SLC34A2: variants seen among roughly 807,000 people sequenced by gnomAD.
SLC34A2 encodes solute carrier family 34 member 2.
Under a neutral mutation model 50.8 loss-of-function variants are expected in SLC34A2, and 41 were observed. The ratio of observed to expected loss-of-function variants is 0.81; its 90% CI spans 0.63 to 1.05. The LOEUF (loss-of-function observed/expected upper bound fraction) is 1.05, where lower values mean the gene tolerates loss of function less well. SLC34A2 is among the 50% of genes least tolerant of loss of function. The pLI, the probability that SLC34A2 is intolerant of heterozygous loss-of-function variation, is 0.00. For synonymous variants in SLC34A2, 401 were observed against 364.2 expected, an observed-to-expected ratio of 1.10 and a Z score of -1.15; for missense variants, 879 against 876.7, an observed-to-expected ratio of 1.00 and a Z score of -0.03.
intron 9 of SLC34A2, among the ~76,000 whole-genome samples, chr4:25,672,080 T>A (rs1203795882): frequency 6.6e-6 from 1 of 152,138 alleles, no homozygotes; most frequent in Non-Finnish European, 1.5e-5. Flanking sequence ...AAGGCTATAA[T>A]CCCAGCACTT....
rs148080437 is a variant in SLC34A2 at position 25,673,096 on chromosome 4, T to C, written c.1058T>C (p.Ile353Thr). ...CTTTGTGGTCTTTCAGGCCAGCATA[T>C]CTTTGTGAATTTCCACCTCCCGGAT... ...YKENIAKCQH[I>T]FVNFHLPDLA... is the part of the protein sequence containing the mutation. Residue 353 changes from isoleucine (I) to threonine (T), a missense_variant, in exon 10 of 13, where the codon ATC (isoleucine) becomes ACC (threonine). By Grantham distance (89) the Ile-to-Thr change is moderately conservative. Coordinates refer to ENST00000382051, the MANE Select transcript of SLC34A2 (RefSeq NM_006424.3). 9 of 1,614,038 alleles carry C rather than the reference T, an allele frequency of 5.6e-6. No individual in the cohort carries two copies. The highest frequency in any genetic ancestry group is 2.2e-5 in the East Asian group (1 of 44,894).
At chr4:25,656,299 CG>C (rs1276896661) in intron 1 of SLC34A2, among the ~76,000 whole-genome samples, 1 of 152,142 alleles carries the variant, frequency 6.6e-6, no homozygotes, top group Non-Finnish European at 1.5e-5. Context: ...CCTGGGCTGC[CG>C]TCTTCCATTC....
rs34344054 is a variant in SLC34A2 at position 25,675,018 on chromosome 4, A to AATTT, written c.1458+402_1458+405dup. Among the ~76,000 whole-genome samples the AATTT allele has an allele frequency of 2.0e-3, 304 of 152,148 alleles. 2 individuals are homozygous for AATTT. Among genetic ancestry groups the AATTT allele is most frequent in the African/African-American group, 6.0e-3 (251 of 41,520 alleles). Reference sequence around the variant, plus strand: ...CTTTGTGCAAGACCTTTGGGATTTGAATTTATTTATTTATTTTTATTTTAT... The same window carrying AATTT: ...CTTTGTGCAAGACCTTTGGGATTTGAATTTATTTATTTATTTATTTTTATTTTAT... On this transcript the variant is annotated intron_variant, in intron 12 of 12. Coordinates refer to ENST00000382051, the MANE Select transcript of SLC34A2 (RefSeq NM_006424.3).
Position 25,676,557 on chromosome 4 carries a change from C to T in SLC34A2, c.1881C>T (p.Arg627=), listed in dbSNP as rs74970270. The T allele has an allele frequency of 9.5e-5, 154 of 1,612,894 alleles. No individual in the cohort carries two copies. The highest frequency in any genetic ancestry group is 1.3e-4 in the Non-Finnish European group (149 of 1,179,138). Residue 627 remains arginine, a synonymous_variant, in exon 13 of 13, where the codon CGC becomes CGT. Coordinates refer to ENST00000382051, the MANE Select transcript of SLC34A2 (RefSeq NM_006424.3). ...RCCCCCRVCC[R]ACCLLCDCPK... ...GCTGCTGCTGCCGCGTGTGCTGCCG[C>T]GCGTGCTGCTTGCTGTGTGACTGCC...
In SLC34A2 at chr4:25,666,161, CTA is replaced by C. The variant is rs1339097805; in HGVS notation, c.415_416del (p.Ile139TyrfsTer70). 6.2e-7 allele frequency: 1 copy of C among 1,613,956 alleles called. No individual in the cohort carries two copies. Among genetic ancestry groups the C allele is most frequent in the Admixed American group, 1.7e-5 (1 of 60,024 alleles). ...GCAGGACAGTTCTTCAGCAACAGCT[CTA>C]TTATGTCCAACCCTTTGTTGGGGCT... On this transcript the variant is annotated frameshift_variant, in exon 5 of 13. Transcript: ENST00000382051. LOFTEE classifies it high-confidence loss of function.
intron 4 of SLC34A2, among the ~76,000 whole-genome samples, chr4:25,664,683 A>G (rs1714395436): frequency 6.6e-6 from 1 of 152,242 alleles, no homozygotes; most frequent in African/African-American, 2.4e-5. Flanking sequence ...TTCTGGAATG[A>G]GAAAGAGTGC....
Position 25,662,624 on chromosome 4 carries a change from T to C in SLC34A2, c.112+12T>C, listed in dbSNP as rs757733078. ...AGAGACCAACAAAAGTAAGTGTCGC[T>C]CGTTTGTCTGCAGATCGGCCTTTGT... On this transcript the variant is annotated intron_variant, in intron 2 of 12. Transcript: ENST00000382051. The C allele has an allele frequency of 1.2e-6, 2 of 1,614,066 alleles. No homozygotes were observed. The highest frequency in any genetic ancestry group is 1.3e-5 in the African/African-American group (1 of 75,034).
At chr4:25,663,249 C>T (rs1005539241) in intron 3 of SLC34A2, among the ~76,000 whole-genome samples, 28 of 152,140 alleles carry the variant, frequency 1.8e-4, no homozygotes, top group African/African-American at 5.8e-4. Flanking sequence ...CCACAGCACC[C>T]GGCCACCCTC....
At chr4:25,667,530 G>T (rs1474744609) in intron 5 of SLC34A2, among the ~76,000 whole-genome samples, 1 of 152,006 alleles carries the variant, frequency 6.6e-6, no homozygotes, top group Non-Finnish European at 1.5e-5. Flanking sequence ...AAATAAAAAA[G>T]AAAAGAAAAA....
intron 9 of SLC34A2, 62 bp downstream of exon 9, chr4:25,671,783 C>T (rs1399897838): frequency 4.3e-6 from 7 of 1,611,364 alleles, no homozygotes; most frequent in Non-Finnish European, 5.9e-6. Context: ...ACCTATTTAT[C>T]CGTGTGAAGT....
rs960372872 is a variant in SLC34A2 at position 25,676,216 on chromosome 4, A to G, written c.1540A>G (p.Met514Val). 6.2e-7 allele frequency: 1 copy of G among 1,614,144 alleles called. No homozygotes were observed. Among genetic ancestry groups the G allele is most frequent in the Middle Eastern group, 1.6e-4 (1 of 6,062 alleles). The change falls in exon 13 of 13, where the codon ATG becomes GTG. Residue 514 changes from methionine (M) to valine (V), a missense_variant. By Grantham distance (21) the Met-to-Val change is conservative (BLOSUM62 1). Transcript: ENST00000382051. Reference protein sequence around the residue: ...PIPFTRLPIRMAKGLGNISAK... With the variant: ...PIPFTRLPIRVAKGLGNISAK... ...CCCGTTCACTCGCCTGCCCATCCGC[A>G]TGGCCAAGGGGCTGGGCAACATCTC...
chr4:25,668,174 C>T (rs1027654723), intron 6 of SLC34A2, among the ~76,000 whole-genome samples, 183 bp downstream of exon 6: 4 of 152,198 alleles, frequency 2.6e-5, no homozygotes, highest in Admixed American at 6.5e-5. Flanking sequence ...TTAGACTCAG[C>T]TCCCTGATCG....
chr4:25,667,203 A>G (rs1714544698), intron 5 of SLC34A2: 1 of 152,588 alleles, frequency 6.6e-6, no homozygotes, highest in African/African-American at 2.4e-5. Flanking sequence ...TAAATGTCTG[A>G]TATCCAGCAC....
At chr4:25,662,920 C>A in intron 3 of SLC34A2, 78 bp downstream of exon 3, 1 of 1,532,174 alleles carries the variant, frequency 6.5e-7, no homozygotes, top group Non-Finnish European at 9.0e-7. Context: ...CTGTCCCTCC[C>A]CCTTTTCATT....
rs1452342383 is a variant in SLC34A2, at chr4:25,671,149, TG to T, written c.927+317del. 2.0e-5 allele frequency among the ~76,000 whole-genome samples: 3 copies of T among 152,320 alleles called. No homozygotes were observed. In the East Asian group the frequency reaches 5.8e-4, roughly 29 times the overall value. ...CTCTGTTCTCATTTTTGGAGAGACT[TG>T]TGGAAGTAGTCCAGCACGCCCTACG... On this transcript the variant is annotated intron_variant, in intron 8 of 12. Coordinates refer to ENST00000382051, the MANE Select transcript of SLC34A2 (RefSeq NM_006424.3).
In SLC34A2 at chr4:25,676,243, G is replaced by A. The variant is rs201181333; in HGVS notation, c.1567G>A (p.Ala523Thr). 3.7e-6 allele frequency: 6 copies of A among 1,614,154 alleles called. No individual in the cohort carries two copies. The highest frequency in any genetic ancestry group is 5.1e-6 in the Non-Finnish European group (6 of 1,180,028). ...GGCCAAGGGGCTGGGCAACATCTCTGCCAAGTATCGCTGGTTCGCCGTCTT... is the reference window on the plus strand; with the variant it reads ...GGCCAAGGGGCTGGGCAACATCTCTACCAAGTATCGCTGGTTCGCCGTCTT... ...RMAKGLGNIS[A>T]KYRWFAVFYL... Residue 523 changes from alanine (A) to threonine (T), a missense_variant, in exon 13 of 13, where the codon GCC (alanine) becomes ACC (threonine). Coordinates refer to ENST00000382051, the MANE Select transcript of SLC34A2 (RefSeq NM_006424.3).
At chr4:25,672,863 T>C (rs1714891924) in intron 9 of SLC34A2, among the ~76,000 whole-genome samples, 1 of 152,158 alleles carries the variant, frequency 6.6e-6, no homozygotes, top group African/African-American at 2.4e-5. Flanking sequence ...AAGCCATCAC[T>C]TCATCTTCCA....
chr4:25,669,639 T>C lies in SLC34A2; in HGVS notation c.636-8T>C. The C allele has an allele frequency of 6.2e-7, 1 of 1,613,504 alleles. No homozygotes were observed. Among genetic ancestry groups the C allele is most frequent in the Non-Finnish European group, 8.5e-7 (1 of 1,180,000 alleles). ...ACTAATCTGGCTGTCGGGGTTTCCCTCCCATAGAGCTTTTGCAGGAGCCAC... is the reference window on the plus strand; with the variant it reads ...ACTAATCTGGCTGTCGGGGTTTCCCCCCCATAGAGCTTTTGCAGGAGCCAC... On this transcript the variant is annotated splice_polypyrimidine_tract_variant and splice_region_variant and intron_variant, in intron 6 of 12. Coordinates refer to ENST00000382051, the MANE Select transcript of SLC34A2 (RefSeq NM_006424.3).
chr4:25,678,130 AAGG>A lies in SLC34A2; in HGVS notation c.*1387_*1389del, dbSNP rs1715248937. 6.6e-6 allele frequency: 1 copy of A among 152,192 alleles called. No individual in the cohort carries two copies. Among genetic ancestry groups the A allele is most frequent in the Non-Finnish European group, 1.5e-5 (1 of 68,126 alleles). The allele number at this position is 152,192 out of a possible 1,614,324, so 9.4% of individuals were successfully genotyped here. ...CAGTGCGCTCCAGCCTTATCTAGGA[AAGG>A]AGGAGTGGGTGTAGCCGTGCAGCAA... On this transcript the variant is annotated 3_prime_UTR_variant, in exon 13 of 13. Transcript: ENST00000382051.
Sources: allele counts gnomAD v4.1 joint callset (sites outside exome capture counted in the v4.1 genomes callset), GRCh38; gene constraint gnomAD v4.1.1; transcripts MANE v1.5; gene names NCBI Gene and HGNC (gene_info 2026-07-23, HGNC 2026-07-21).